Variants in FAM156A observed in about 807,000 individuals in gnomAD.
The protein encoded by FAM156A is family with sequence similarity 156 member A.
At chrX:52,986,750 T>C (rs1028277995) in intron 1 of FAM156A, among the ~76,000 whole-genome samples, 2 of 111,722 alleles carry the variant, frequency 1.8e-5, no homozygotes, top group East Asian at 5.6e-4. Context: ...CCTTATATTA[T>C]ACTTAATAAA....
At chrX:52,973,239 AT>A (rs1556791244) in intron 1 of FAM156A, among the ~76,000 whole-genome samples, 1 of 104,701 alleles carries the variant, frequency 9.6e-6, no homozygotes, top group East Asian at 2.8e-4. Context: ...TTAAAAAAAA[AT>A]AAATTCACAT....
intron 1 of FAM156A, among the ~76,000 whole-genome samples, chrX:52,990,905 G>A (rs1194172157): frequency 9.0e-6 from 1 of 111,475 alleles, no homozygotes; most frequent in African/African-American, 3.3e-5. Flanking sequence ...GACCAGGAAG[G>A]CCTCGGCAAA....
chrX:52,977,348 C>T (rs1391664089), intron 1 of FAM156A, among the ~76,000 whole-genome samples: 1 of 110,466 alleles, frequency 9.1e-6, no homozygotes, highest in Non-Finnish European at 1.9e-5. Flanking sequence ...TGCCCATTTC[C>T]TCTGACTCTG....
intron 1 of FAM156A, among the ~76,000 whole-genome samples, chrX:52,991,494 C>A (rs782704513): frequency 6.3e-5 from 7 of 111,542 alleles, no homozygotes; most frequent in African/African-American, 2.0e-4. Flanking sequence ...CACAGACACA[C>A]CCAGAGATAA....
intron 1 of FAM156A, among the ~76,000 whole-genome samples, chrX:52,982,017 TATC>T (rs1929951534): frequency 9.0e-6 from 1 of 111,669 alleles, no homozygotes; most frequent in African/African-American, 3.3e-5. Flanking sequence ...TACAATGAGA[TATC>T]ATCTCAGTGG....
rs141849078 is a variant in FAM156A, at chrX:52,979,054, G to C, written c.-433-14819C>G. 1.0e-3 allele frequency among the ~76,000 whole-genome samples: 115 copies of C among 111,947 alleles called. 1 individual carries two copies. In the East Asian group the frequency reaches 0.02, roughly 20 times the overall value. On this transcript the variant is annotated intron_variant, in intron 1 of 4. Transcript: ENST00000610625. ...CCTTATTAAATCCCTTTGGTAGCAA[G>C]ACTGTCTGCAATATACCCAGAAAAA...
chrX:52,976,105 C>T (rs1929447752), intron 1 of FAM156A, among the ~76,000 whole-genome samples: 1 of 111,428 alleles, frequency 9.0e-6, no homozygotes, highest in Non-Finnish European at 1.9e-5. Flanking sequence ...ACCTTTTACC[C>T]CTAATCCTCA....
chrX:52,990,833 A>G (rs1485752440), intron 1 of FAM156A, among the ~76,000 whole-genome samples: 3 of 108,602 alleles, frequency 2.8e-5, no homozygotes, highest in African/African-American at 1.0e-4. Flanking sequence ...AAAGAAAAGA[A>G]AAGAAAAGAA....
intron 1 of FAM156A, among the ~76,000 whole-genome samples, chrX:52,974,544 G>A (rs782042835): frequency 1.8e-5 from 2 of 111,441 alleles, no homozygotes; most frequent in East Asian, 5.7e-4. Flanking sequence ...CCTGATCATG[G>A]CTCACTGCAA....
intron 1 of FAM156A, among the ~76,000 whole-genome samples, chrX:52,992,257 G>A (rs1556795772): frequency 9.0e-6 from 1 of 111,586 alleles, no homozygotes; most frequent in East Asian, 2.8e-4. Flanking sequence ...CTGGGCTATT[G>A]TGGGTGTAAA....
At chrX:52,994,493 C>G (rs1931023399) in intron 1 of FAM156A, among the ~76,000 whole-genome samples, 1 of 111,016 alleles carries the variant, frequency 9.0e-6, no homozygotes, top group African/African-American at 3.3e-5. Context: ...TGGGCAGAGA[C>G]CCCTCCCTCC....
At chrX:52,976,419 G>A (rs1373001158) in intron 1 of FAM156A, among the ~76,000 whole-genome samples, 8 of 110,883 alleles carry the variant, frequency 7.2e-5, no homozygotes, top group African/African-American at 2.3e-4. Flanking sequence ...ACTCCAGCCC[G>A]GGCGACAGAT....
In FAM156A at chrX:52,990,779, CAAGAAAA is replaced by C. The variant is rs1310451489; in HGVS notation, c.-434+4520_-434+4526del. On this transcript the variant is annotated intron_variant, in intron 1 of 4. Transcript: ENST00000610625. ...AGAGTGGGCGATAGAGTGAGACTGT[CAAGAAAA>C]GAAAAGAAAAGAAAGAAAAGAAAAG... Among the ~76,000 whole-genome samples, 78 of 37,956 alleles carry C rather than the reference CAAGAAAA, an allele frequency of 2.1e-3. 3 individuals are homozygous for C. The highest frequency in any genetic ancestry group is 7.3e-3 in the African/African-American group (77 of 10,541). The allele number at this position is 37,956 out of a possible 115,157, so 33.0% of individuals were successfully genotyped here.
chrX:52,992,528 T>C (rs1354782348), intron 1 of FAM156A, among the ~76,000 whole-genome samples: 1 of 110,826 alleles, frequency 9.0e-6, no homozygotes, highest in Non-Finnish European at 1.9e-5. Context: ...GCCAGGGCAC[T>C]GCGAGCCTGT....
intron 1 of FAM156A, among the ~76,000 whole-genome samples, chrX:52,988,156 G>A (rs1930432925): frequency 9.2e-6 from 1 of 108,582 alleles, no homozygotes; most frequent in South Asian, 4.0e-4. Context: ...CAGGAGAATA[G>A]AATCGCTTGA....
intron 1 of FAM156A, among the ~76,000 whole-genome samples, chrX:52,978,961 A>G (rs370506840): frequency 8.0e-5 from 9 of 112,096 alleles, no homozygotes; most frequent in African/African-American, 2.3e-4. Context: ...AGATTCCAGA[A>G]CTCACACCCA....
chrX:52,989,289 C>T (rs893225896), intron 1 of FAM156A, among the ~76,000 whole-genome samples: 2 of 111,657 alleles, frequency 1.8e-5, no homozygotes, highest in Non-Finnish European at 3.8e-5. Flanking sequence ...CATGGTTCTG[C>T]TCACAACCTC....
chrX:52,978,129 T>C (rs1929619615), intron 1 of FAM156A, among the ~76,000 whole-genome samples: 1 of 111,611 alleles, frequency 9.0e-6, no homozygotes, highest in Non-Finnish European at 1.9e-5. Context: ...AACTCCAGCA[T>C]TGCATTTAGG....
At chrX:52,974,479 T>G (rs1302452474) in intron 1 of FAM156A, among the ~76,000 whole-genome samples, 5 of 111,590 alleles carry the variant, frequency 4.5e-5, no homozygotes, top group Non-Finnish European at 7.5e-5. Context: ...TTCAACAAAT[T>G]AAGTTTTTTT....
Sources: allele counts gnomAD v4.1 joint callset (sites outside exome capture counted in the v4.1 genomes callset), GRCh38; gene constraint gnomAD v4.1.1; transcripts MANE v1.5; gene names NCBI Gene and HGNC (gene_info 2026-07-23, HGNC 2026-07-21).